MTF2: variants seen among roughly 807,000 people sequenced by gnomAD.
MTF2 encodes the protein metal response element binding transcription factor 2.
Under a neutral mutation model 79.5 loss-of-function variants are expected in MTF2, and 11 were observed. The ratio of observed to expected loss-of-function variants is 0.14; its 90% CI spans 0.09 to 0.23. MTF2 has a LOEUF of 0.23. Among genes scored for constraint, MTF2 ranks in the 10% least tolerant of loss-of-function variants. The pLI is 1.00. For synonymous variants in MTF2, 208 were observed against 232.8 expected (o/e 0.89, Z 0.97); for missense variants, 486 against 711.2 (o/e 0.68, Z 3.60).
intron 14 of MTF2, among the ~76,000 whole-genome samples, chr1:93,135,050 A>ACCT (rs1474020499): frequency 6.6e-6 from 1 of 151,960 alleles, no homozygotes; most frequent in Non-Finnish European, 1.5e-5. Context: ...ACTCACTGCA[A>ACCT]CCTCCGCCTC....
Position 93,122,991 on chromosome 1 carries a change from A to G in MTF2, c.921+2319A>G, listed in dbSNP as rs1041638311. On this transcript the variant is annotated intron_variant, in intron 9 of 14. Coordinates refer to ENST00000370298, the MANE Select transcript of MTF2 (RefSeq NM_007358.4). ...GTCATTCCAAATTATTTGAATAGAA[A>G]ATTTTTGATAAACTAAAAATGAATT... Among the ~76,000 whole-genome samples the G allele has an allele frequency of 2.6e-5, 4 of 152,234 alleles. 1 individual carries two copies. The highest frequency in any genetic ancestry group is 2.0e-4 in the Admixed American group (3 of 15,294).
In MTF2 at chr1:93,129,267, T is replaced by A. The variant is rs1312657476; in HGVS notation, c.990-11T>A. ...TTTTTAAAATTTTAGTTAATTTTTT[T>A]AAAAATTTAGGTTTATGTCTGGGAA... On this transcript the variant is annotated splice_polypyrimidine_tract_variant and intron_variant, in intron 10 of 14. Coordinates refer to ENST00000370298, the MANE Select transcript of MTF2 (RefSeq NM_007358.4). The A allele has an allele frequency of 1.2e-5, 18 of 1,522,650 alleles. No individual in the cohort carries two copies. Among genetic ancestry groups the A allele is most frequent in the East Asian group, 2.3e-5 (1 of 43,648 alleles). 94.3% of individuals were successfully genotyped at this position (1,522,650 alleles called of 1,614,324 possible). A position where few individuals can be genotyped will look rare whatever the true frequency, so the allele number is the denominator to read the frequency against.
At chr1:93,086,221 A>G (rs1476793440) in intron 1 of MTF2, among the ~76,000 whole-genome samples, 1 of 152,146 alleles carries the variant, frequency 6.6e-6, no homozygotes, top group African/African-American at 2.4e-5. Context: ...ATGAAGGAGG[A>G]GGCCGGGTGC....
In MTF2 at chr1:93,137,171, A is replaced by G; in HGVS notation, c.*144A>G. ...AAAAAAGGGGATGATACTAGCCTTA[A>G]CATGTACCTGTCAATGTTATGGATA... On this transcript the variant is annotated 3_prime_UTR_variant, in exon 15 of 15. Transcript: ENST00000370298. The G allele has an allele frequency of 1.7e-6, 1 of 591,370 alleles. No homozygotes were observed. 36.6% of individuals were successfully genotyped at this position (591,370 alleles called of 1,614,324 possible). A position where few individuals can be genotyped will look rare whatever the true frequency, so the allele number is the denominator to read the frequency against.
intron 9 of MTF2, among the ~76,000 whole-genome samples, chr1:93,123,210 CTTTTTTTTTTTTT>C (rs749700655): frequency 1.1e-5 from 1 of 94,238 alleles, no homozygotes; most frequent in South Asian, 3.4e-4. Context: ...TCAGCTCTTT[CTTTTTTTTTTTTT>C]TTTTTTTTAA....
intron 2 of MTF2, 30 bp downstream of exon 2, chr1:93,110,458 T>G (rs1557551003): frequency 7.4e-6 from 12 of 1,611,070 alleles, no homozygotes; most frequent in Non-Finnish European, 1.0e-5. Context: ...CTTTTGCTGT[T>G]TTTGCAGTAA....
In MTF2 at chr1:93,079,484, G is replaced by GT. The variant is rs753137513; in HGVS notation, c.-37dup. 9 of 1,613,884 alleles carry GT rather than the reference G, an allele frequency of 5.6e-6. No individual in the cohort carries two copies. The highest frequency in any genetic ancestry group is 2.2e-5 in the South Asian group (2 of 90,932). ...AAGCGCCCACGGGGACGGATTGGTT[G>GT]TTTTTTCCTGTATGAAGCGGTTGGC... On this transcript the variant is annotated 5_prime_UTR_variant, in exon 1 of 15. Coordinates refer to ENST00000370298, the MANE Select transcript of MTF2 (RefSeq NM_007358.4).
intron 10 of MTF2, chr1:93,128,933 G>A (rs1028669764): frequency 6.2e-6 from 1 of 161,782 alleles, no homozygotes; most frequent in African/African-American, 2.4e-5. Context: ...AATCCCTTTT[G>A]AAATATTTCT....
At chr1:93,083,081 C>T (rs954126416) in intron 1 of MTF2, among the ~76,000 whole-genome samples, 2 of 152,176 alleles carry the variant, frequency 1.3e-5, no homozygotes, top group African/African-American at 4.8e-5. Context: ...GATCGGCTTA[C>T]GGTTCCACAG....
chr1:93,101,942 C>T (rs1420752055), intron 1 of MTF2, among the ~76,000 whole-genome samples: 2 of 152,058 alleles, frequency 1.3e-5, no homozygotes, highest in African/African-American at 4.8e-5. Context: ...CTCCATAACA[C>T]TTTTTTACCT....
At position 93,138,770 on chromosome 1, in the gene MTF2, A is replaced by G. The variant is rs1047254264; in HGVS notation, c.*1743A>G. 7.2e-5 allele frequency: 11 copies of G among 152,218 alleles called. No individual in the cohort carries two copies. The highest frequency in any genetic ancestry group is 2.7e-4 in the African/African-American group (11 of 41,466). 9.4% of individuals were successfully genotyped at this position (152,218 alleles called of 1,614,324 possible). ...TGTGTTGATTTTTGAATGTTTGTTTATATCTAGGGGTAATGAAAAATGTAA... is the reference window on the plus strand; with the variant it reads ...TGTGTTGATTTTTGAATGTTTGTTTGTATCTAGGGGTAATGAAAAATGTAA... On this transcript the variant is annotated 3_prime_UTR_variant, in exon 15 of 15. Coordinates refer to ENST00000370298, the MANE Select transcript of MTF2 (RefSeq NM_007358.4).
chr1:93,133,390 C>T lies in MTF2; in HGVS notation c.1161-313C>T, dbSNP rs527853484. On this transcript the variant is annotated intron_variant, in intron 11 of 14. Transcript: ENST00000370298. ...TTTTAGGAGTTTTGAAATCTTCCAT[C>T]CAGTATAATTGTCTGGTTTTTGTTG... is the stretch of plus-strand genomic sequence containing the variant. Among the ~76,000 whole-genome samples the T allele has an allele frequency of 2.6e-5, 4 of 152,090 alleles. No homozygotes were observed. In the South Asian group the frequency reaches 8.3e-4, roughly 32 times the overall value.
intron 1 of MTF2, among the ~76,000 whole-genome samples, chr1:93,084,066 C>CT (rs1050291302): frequency 4.4e-4 from 64 of 146,480 alleles, no homozygotes; most frequent in East Asian, 2.0e-3. Flanking sequence ...CAATTTATTC[C>CT]TTTTTTTTTT....
In MTF2 at chr1:93,115,493, A is replaced by C; in HGVS notation, c.507A>C (p.Gly169=). The C allele has an allele frequency of 1.9e-6, 3 of 1,606,334 alleles. No homozygotes were observed. Among genetic ancestry groups the C allele is most frequent in the Non-Finnish European group, 2.5e-6 (3 of 1,177,026 alleles). Residue 169 remains glycine, a synonymous_variant, in exon 6 of 15, where the codon GGA becomes GGC. Transcript: ENST00000370298. The part of the protein sequence containing the change: ...TTKRGGALKK[G]PNAKALQVMK... ...AGAGGGGTGGTGCACTTAAGAAAGGACCAAATGCCAAAGCATTGCAAGTCA... is the reference window on the plus strand; with the variant it reads ...AGAGGGGTGGTGCACTTAAGAAAGGCCCAAATGCCAAAGCATTGCAAGTCA...
chr1:93,085,380 T>C (rs192135351), intron 1 of MTF2, among the ~76,000 whole-genome samples: 279 of 151,968 alleles, frequency 1.8e-3, no homozygotes, highest in Non-Finnish European at 2.2e-3. Flanking sequence ...GGTTTCACCA[T>C]GTTGGCCAGG....
chr1:93,116,490 G>T (rs550335140), intron 6 of MTF2, among the ~76,000 whole-genome samples: 61 of 147,334 alleles, frequency 4.1e-4, no homozygotes, highest in African/African-American at 1.6e-3. Context: ...ACACTTAGAG[G>T]CCATTGTAAG....
At chr1:93,105,837 G>T (rs1223653140) in intron 1 of MTF2, among the ~76,000 whole-genome samples, 1 of 152,012 alleles carries the variant, frequency 6.6e-6, no homozygotes, top group Non-Finnish European at 1.5e-5. Context: ...CATCACGCCC[G>T]GCTAATTTTT....
At chr1:93,082,477 A>G (rs969993061) in intron 1 of MTF2, among the ~76,000 whole-genome samples, 3 of 151,910 alleles carry the variant, frequency 2.0e-5, no homozygotes, top group African/African-American at 4.8e-5. Flanking sequence ...TTTTGTGGAG[A>G]CGGGATCTTA....
intron 1 of MTF2, among the ~76,000 whole-genome samples, chr1:93,096,168 A>G (rs984541813): frequency 6.6e-6 from 1 of 152,184 alleles, no homozygotes; most frequent in Non-Finnish European, 1.5e-5. Context: ...TTAGAATTTC[A>G]CATGTAACAT....
Sources: allele counts gnomAD v4.1 joint callset (sites outside exome capture counted in the v4.1 genomes callset), GRCh38; gene constraint gnomAD v4.1.1; transcripts MANE v1.5; gene names NCBI Gene and HGNC (gene_info 2026-07-23, HGNC 2026-07-21).